Variants in ZFPM1 observed in about 807,000 individuals in gnomAD.
The protein encoded by ZFPM1 is zinc finger protein ZFPM1.
Under a neutral mutation model 46.3 loss-of-function variants are expected in ZFPM1, and 28 were observed. That is an observed-to-expected ratio of 0.60 (90% confidence interval 0.45 to 0.83). The LOEUF is 0.83. Ranked by LOEUF, ZFPM1 falls within the 40% of genes least tolerant of loss-of-function variation. The pLI is 0.00. For synonymous variants in ZFPM1, 957 were observed against 675.9 expected (o/e 1.42, Z -6.45); for missense variants, 1,878 against 1,432.4 (o/e 1.31, Z -5.02).
Position 88,489,028 on chromosome 16 carries a change from C to T in ZFPM1, c.146-3C>T. 6.2e-7 allele frequency: 1 copy of T among 1,611,786 alleles called. No individual in the cohort carries two copies. Among genetic ancestry groups the T allele is most frequent in the Non-Finnish European group, 8.5e-7 (1 of 1,179,028 alleles). On this transcript the variant is annotated splice_polypyrimidine_tract_variant and splice_region_variant and intron_variant, in intron 2 of 9. Transcript: ENST00000319555. Reference sequence around the variant, plus strand: ...GGATGTGACGGTGTTTTCCTCTCTGCAGATGTTAACTCACCCCCACCGCTG... The same window carrying T: ...GGATGTGACGGTGTTTTCCTCTCTGTAGATGTTAACTCACCCCCACCGCTG...
intron 3 of ZFPM1, among the ~76,000 whole-genome samples, chr16:88,491,488 C>A (rs1394138551): frequency 1.3e-5 from 2 of 152,208 alleles, no homozygotes; most frequent in Non-Finnish European, 2.9e-5. Context: ...CACCGTCATG[C>A]GGCTGGGAGG....
chr16:88,528,372 AAGG>A, intron 6 of ZFPM1, 134 bp downstream of exon 6: 1 of 1,081,770 alleles, frequency 9.2e-7, no homozygotes, highest in East Asian at 2.6e-5. Flanking sequence ...TAAGGCAGGG[AAGG>A]AGGTGACGTG....
rs762988824 is a variant in ZFPM1, at chr16:88,533,695, C to T, written c.1737C>T (p.Cys579=). The part of the protein sequence containing the change: ...LFPGAPKGAT[C]FECEITFSNV... Reference sequence around the variant, plus strand: ...CCGGGGCCCCCAAGGGCGCTACGTGCTTCGAGTGCGAGATCACCTTCAGCA... The same window carrying T: ...CCGGGGCCCCCAAGGGCGCTACGTGTTTCGAGTGCGAGATCACCTTCAGCA... Residue 579 remains cysteine (C), a synonymous_variant, in exon 10 of 10, where the codon TGC becomes TGT. Transcript: ENST00000319555. 6 of 1,504,668 alleles carry T rather than the reference C, an allele frequency of 4.0e-6. No individual in the cohort carries two copies. The highest frequency in any genetic ancestry group is 2.0e-5 in the Admixed American group (1 of 50,520). 93.2% of individuals were successfully genotyped at this position (1,504,668 alleles called of 1,614,324 possible).
chr16:88,466,970 G>C (rs1382169899), intron 1 of ZFPM1, among the ~76,000 whole-genome samples: 2 of 152,072 alleles, frequency 1.3e-5, no homozygotes, highest in Admixed American at 1.3e-4. Flanking sequence ...AACGGCGGTG[G>C]TATTAATGGG....
chr16:88,486,445 C>T (rs1046512778), intron 2 of ZFPM1, among the ~76,000 whole-genome samples: 2 of 152,240 alleles, frequency 1.3e-5, no homozygotes, highest in African/African-American at 4.8e-5. Context: ...GCTGCTTGGG[C>T]TGAGTGCACA....
chr16:88,460,928 G>A lies in ZFPM1; in HGVS notation c.40+7250G>A, dbSNP rs1205320991. 3.7e-3 allele frequency among the ~76,000 whole-genome samples: 426 copies of A among 115,874 alleles called. 74 individuals are homozygous for A. The highest frequency in any genetic ancestry group is 0.011 in the African/African-American group (300 of 27,674). The allele number at this position is 115,874 out of a possible 152,430, so 76.0% of individuals were successfully genotyped here. ...CCTGGTGAGGACCGAGGGGCGGGGCGGGAGGCCTGGTGATGACCGAGGGGC... is the reference window on the plus strand; with the variant it reads ...CCTGGTGAGGACCGAGGGGCGGGGCAGGAGGCCTGGTGATGACCGAGGGGC... On this transcript the variant is annotated intron_variant, in intron 1 of 9. Coordinates refer to ENST00000319555, the MANE Select transcript of ZFPM1 (RefSeq NM_153813.3).
chr16:88,474,357 G>A (rs1908576012), intron 1 of ZFPM1, among the ~76,000 whole-genome samples: 1 of 152,186 alleles, frequency 6.6e-6, no homozygotes, highest in African/African-American at 2.4e-5. Flanking sequence ...GGGGCTGCCT[G>A]GAGGTGGTGG....
Position 88,533,416 on chromosome 16 carries a change from G to A in ZFPM1, c.1458G>A (p.Pro486=), listed in dbSNP as rs539733485. Residue 486 remains proline, a synonymous_variant, in exon 10 of 10, where the codon CCG becomes CCA. Transcript: ENST00000319555. ...LGPGEPGPQA[P]SRTPSPRSPA... is the part of the protein sequence containing the mutation. ...CCGGAGAGCCTGGGCCCCAGGCCCC[G>A]TCGCGGACGCCGTCGCCGCGCAGCC... The A allele has an allele frequency of 5.2e-5, 77 of 1,487,904 alleles. No homozygotes were observed. In the African/African-American group the frequency reaches 1.0e-3, roughly 20 times the overall value. The allele number at this position is 1,487,904 out of a possible 1,614,324, so 92.2% of individuals were successfully genotyped here.
Position 88,532,004 on chromosome 16 carries a change from G to T in ZFPM1, c.715G>T (p.Asp239Tyr), listed in dbSNP as rs779164649. The part of the protein sequence containing the change: ...SILATAVINK[D>Y]VFPCKDCGIW... Reference sequence around the variant, plus strand: ...CCCGCCTGCTTCCCACCCCACAGAAGACGTCTTCCCCTGCAAGGACTGTGG... The same window carrying T: ...CCCGCCTGCTTCCCACCCCACAGAATACGTCTTCCCCTGCAAGGACTGTGG... The change falls in exon 7 of 10, where the codon GAC (aspartate) becomes TAC (tyrosine). Residue 239 changes from aspartate to tyrosine, a missense_variant and splice_region_variant. By Grantham distance (160) the Asp-to-Tyr change is radical. Transcript: ENST00000319555. The T allele has an allele frequency of 2.5e-6, 4 of 1,598,114 alleles. No homozygotes were observed. In the East Asian group the frequency reaches 9.0e-5, roughly 36 times the overall value.
chr16:88,472,893 G>A (rs2142356660), intron 1 of ZFPM1, among the ~76,000 whole-genome samples: 1 of 152,272 alleles, frequency 6.6e-6, no homozygotes, highest in African/African-American at 2.4e-5. Context: ...TTAACTCCTG[G>A]TTTCAGGCGG....
At position 88,534,842 on chromosome 16, in the gene ZFPM1, A is replaced by C; in HGVS notation, c.2884A>C (p.Lys962Gln). 1 of 1,556,392 alleles carries C rather than the reference A, an allele frequency of 6.4e-7. No individual in the cohort carries two copies. Residue 962 changes from lysine (K) to glutamine (Q), a missense_variant, in exon 10 of 10, where the codon AAG (lysine) becomes CAG (glutamine). Lys to Gln is a moderately conservative substitution (Grantham distance 53, BLOSUM62 1). Transcript: ENST00000319555. ...YSDKGVQTPS[K>Q]GTPAPLPNGN... is the part of the protein sequence containing the mutation. The stretch of plus-strand genomic sequence containing the variant: ...GGACAAGGGCGTCCAGACTCCCAGC[A>C]AGGGCACGCCGGCGCCGCTGCCCAA...
At chr16:88,527,042 T>C (rs1912392267) in intron 5 of ZFPM1, 126 bp downstream of exon 5, 1 of 1,412,790 alleles carries the variant, frequency 7.1e-7, no homozygotes. Flanking sequence ...AGGGAGCTGC[T>C]GGCCCCGGGC....
rs1913266283 is a variant in ZFPM1, at chr16:88,536,873, C to T, written c.*1894C>T. ...TCTGCTCATCATTTGCATTGTTGTG[C>T]ATGAATTTGCGTGGAGGGTTCAGGA... On this transcript the variant is annotated 3_prime_UTR_variant, in exon 10 of 10. Transcript: ENST00000319555. 6.6e-6 allele frequency: 1 copy of T among 152,282 alleles called. No individual in the cohort carries two copies. Among genetic ancestry groups the T allele is most frequent in the Non-Finnish European group, 1.5e-5 (1 of 68,070 alleles). 9.4% of individuals were successfully genotyped at this position (152,282 alleles called of 1,614,324 possible).
At position 88,534,801 on chromosome 16, in the gene ZFPM1, C is replaced by A; in HGVS notation, c.2843C>A (p.Ala948Glu). Reference sequence around the variant, plus strand: ...CCCGAGGCCGTGCCGCCCCCGCCGGCGCCCCCCTCCTACTCGGACAAGGGC... The same window carrying A: ...CCCGAGGCCGTGCCGCCCCCGCCGGAGCCCCCCTCCTACTCGGACAAGGGC... ...AAPEAVPPPP[A>E]PPSYSDKGVQ... The change falls in exon 10 of 10, where the codon GCG (alanine) becomes GAG (glutamate). Residue 948 changes from alanine (A) to glutamate (E), a missense_variant. Ala to Glu is a moderately radical substitution (Grantham distance 107, BLOSUM62 -1). Transcript: ENST00000319555. 7.2e-7 allele frequency: 1 copy of A among 1,385,636 alleles called. No homozygotes were observed. The highest frequency in any genetic ancestry group is 9.4e-7 in the Non-Finnish European group (1 of 1,064,886). The allele number at this position is 1,385,636 out of a possible 1,614,324, so 85.8% of individuals were successfully genotyped here. A position where few individuals can be genotyped will look rare whatever the true frequency, so the allele number is the denominator to read the frequency against.
At chr16:88,491,805 G>A (rs1420458633) in intron 3 of ZFPM1, among the ~76,000 whole-genome samples, 1 of 152,220 alleles carries the variant, frequency 6.6e-6, no homozygotes, top group South Asian at 2.1e-4. Context: ...ATACGCGGCC[G>A]CTGGCCAACC....
rs1228233119 is a variant in ZFPM1, at chr16:88,469,254, G to T, written c.40+15576G>T. On this transcript the variant is annotated intron_variant, in intron 1 of 9. Coordinates refer to ENST00000319555, the MANE Select transcript of ZFPM1 (RefSeq NM_153813.3). The surrounding 1 kb of genome is among the most constrained non-coding windows in gnomAD (Gnocchi z 4.3). ...GCCAAGCTTCTGAAGTGCCGGCCGG[G>T]CCAGGGACGTGGCACCATCTTAATG... is the stretch of plus-strand genomic sequence containing the variant. 6.6e-6 allele frequency among the ~76,000 whole-genome samples: 1 copy of T among 152,192 alleles called. No homozygotes were observed. Among genetic ancestry groups the T allele is most frequent in the Admixed American group, 6.5e-5 (1 of 15,290 alleles).
intron 4 of ZFPM1, among the ~76,000 whole-genome samples, chr16:88,517,944 C>T (rs1204001465): frequency 6.6e-6 from 1 of 151,712 alleles, no homozygotes; most frequent in Non-Finnish European, 1.5e-5. Context: ...GGCGCAGTGG[C>T]TCATGCCTGT....
intron 5 of ZFPM1, 37 bp downstream of exon 5, chr16:88,526,953 G>A (rs200321833): frequency 2.5e-5 from 38 of 1,534,358 alleles, no homozygotes; most frequent in South Asian, 2.1e-4. Flanking sequence ...CAAGCCTTCC[G>A]GAAGGTGGGG....
chr16:88,526,956 A>T, intron 5 of ZFPM1, 40 bp downstream of exon 5: 1 of 1,534,146 alleles, frequency 6.5e-7, no homozygotes, highest in Non-Finnish European at 8.8e-7. Context: ...GCCTTCCGGA[A>T]GGTGGGGGTC....
Sources: gnomAD v4.1 joint callset for allele counts (sites outside exome capture counted in the v4.1 genomes callset) on GRCh38, gnomAD v4.1.1 for gene constraint, Gnocchi (gnomAD v3.1) non-coding constraint, MANE v1.5 for transcripts, NCBI Gene and HGNC (gene_info 2026-07-23, HGNC 2026-07-21) for gene names.